The following SH3D19 variants were observed in gnomAD, a reference collection of about 807,000 sequenced individuals.
SH3D19 encodes the protein SH3 domain-containing protein 19.
SH3D19 carries 58 observed loss-of-function variants against 112.1 expected under a neutral mutation model. That is an observed-to-expected ratio of 0.52 (90% CI 0.42 to 0.64). SH3D19 has a LOEUF of 0.64. SH3D19 is among the 30% of genes least tolerant of loss of function. The pLI is 0.00. For synonymous variants in SH3D19, 391 were observed against 448.5 expected (o/e 0.87, Z 1.62); for missense variants, 1,090 against 1,263.4 (o/e 0.86, Z 2.08).
chr4:151,147,806 G>T, intron 11 of SH3D19, 116 bp downstream of exon 11: 1 of 1,331,774 alleles, frequency 7.5e-7, no homozygotes, highest in Non-Finnish European at 1.0e-6. Flanking sequence ...AAGCACTCTT[G>T]GCGTCAAGGG....
chr4:151,249,864 C>T (rs1580324775), intron 1 of SH3D19, among the ~76,000 whole-genome samples: 3 of 152,200 alleles, frequency 2.0e-5, no homozygotes, highest in East Asian at 1.9e-4. Flanking sequence ...CAATCCTCTA[C>T]GTAAAAAAGA....
Position 151,159,517 on chromosome 4 carries a change from G to A in SH3D19, c.1643-165C>T, listed in dbSNP as rs151166424. 5.9e-5 allele frequency among the ~76,000 whole-genome samples: 9 copies of A among 152,310 alleles called. No homozygotes were observed. The East Asian group carries it at 1.5e-3, about 26-fold the overall frequency. On this transcript the variant is annotated intron_variant, in intron 8 of 19. Transcript: ENST00000604030. ...CCAGCAAACTTCAGAAAATTGATGT[G>A]TTAGTCAACATCAGTTAATTTTACT...
chr4:151,282,718 T>C (rs74434272), intron 1 of SH3D19, among the ~76,000 whole-genome samples: 3,470 of 152,314 alleles, frequency 0.023, 55 homozygotes, highest in Middle Eastern at 0.065. Flanking sequence ...GAGCGTCTAG[T>C]GTTTTTTAAC....
intron 1 of SH3D19, among the ~76,000 whole-genome samples, chr4:151,283,770 C>T (rs1048610684): frequency 1.1e-4 from 17 of 152,168 alleles, no homozygotes; most frequent in African/African-American, 4.1e-4. Flanking sequence ...GCAATCCTTC[C>T]TCCTTGGGTT....
chr4:151,279,710 A>G (rs1456050642), intron 1 of SH3D19: 1 of 1,320,368 alleles, frequency 7.6e-7, no homozygotes, highest in African/African-American at 1.4e-5. Flanking sequence ...CTAGGAATAG[A>G]TGGGAGTTTG....
chr4:151,322,295 T>C (rs576755133), intron 1 of SH3D19, among the ~76,000 whole-genome samples: 8 of 151,956 alleles, frequency 5.3e-5, no homozygotes, highest in African/African-American at 1.9e-4. Context: ...TAGCCAGGCA[T>C]GGTGGTGCAC....
intron 2 of SH3D19, among the ~76,000 whole-genome samples, chr4:151,225,623 G>C (rs1270498656): frequency 3.3e-5 from 5 of 152,024 alleles, no homozygotes; most frequent in Non-Finnish European, 7.4e-5. Flanking sequence ...AGGCAGTCTG[G>C]GTTTTGTTTT....
chr4:151,135,421 A>ATTTTTTTTT (rs34291277), intron 14 of SH3D19, among the ~76,000 whole-genome samples: 8 of 87,462 alleles, frequency 9.1e-5, no homozygotes, highest in Non-Finnish European at 9.9e-5. Context: ...TCTCTATCTC[A>ATTTTTTTTT]TTTTTTTTTT....
In SH3D19 at chr4:151,214,560, G is replaced by A. The variant is rs556162486; in HGVS notation, c.152+11487C>T. On this transcript the variant is annotated intron_variant, in intron 2 of 19. Transcript: ENST00000604030. Reference sequence around the variant, plus strand: ...CGGGCAGAGGCGCCCCTCACCTCCCGGACGGGGAGGCTGGCCGGGCAGGGG... The same window carrying A: ...CGGGCAGAGGCGCCCCTCACCTCCCAGACGGGGAGGCTGGCCGGGCAGGGG... Among the ~76,000 whole-genome samples the A allele has an allele frequency of 3.4e-3, 468 of 138,778 alleles. 6 individuals are homozygous for A. Among genetic ancestry groups the A allele is most frequent in the African/African-American group, 0.012 (450 of 37,634 alleles). 91.0% of individuals were successfully genotyped at this position (138,778 alleles called of 152,430 possible). A position where few individuals can be genotyped will look rare whatever the true frequency, so the allele number is the denominator to read the frequency against.
intron 1 of SH3D19, among the ~76,000 whole-genome samples, chr4:151,286,588 TGCATTTGTGATTA>T (rs1206380212): frequency 1.3e-5 from 2 of 149,686 alleles, no homozygotes; most frequent in Non-Finnish European, 3.0e-5. Flanking sequence ...GTAAAGAGAT[TGCATTTGTGATTA>T]AAAAAAAAAA....
At chr4:151,300,861 T>C (rs1014862137) in intron 1 of SH3D19, among the ~76,000 whole-genome samples, 7 of 152,212 alleles carry the variant, frequency 4.6e-5, no homozygotes, top group African/African-American at 1.2e-4. Flanking sequence ...TGGAGACAAG[T>C]AGACAGAATC....
At chr4:151,302,577 C>T (rs934690403) in intron 1 of SH3D19, among the ~76,000 whole-genome samples, 3 of 151,476 alleles carry the variant, frequency 2.0e-5, no homozygotes, top group Admixed American at 6.6e-5. Context: ...TTGCAGACCA[C>T]GTGGACTTTG....
chr4:151,318,476 A>G (rs1730234062), intron 1 of SH3D19, among the ~76,000 whole-genome samples: 2 of 152,164 alleles, frequency 1.3e-5, no homozygotes, highest in African/African-American at 4.8e-5. Flanking sequence ...AATGCCAAAG[A>G]AAAGCAACTA....
intron 11 of SH3D19, chr4:151,144,314 T>C (rs1294677094): frequency 6.2e-7 from 1 of 1,602,712 alleles, no homozygotes. Flanking sequence ...ATAAAAGGCT[T>C]ATTCACAATC....
chr4:151,182,202 T>C (rs1350297834), intron 3 of SH3D19, among the ~76,000 whole-genome samples: 1 of 152,128 alleles, frequency 6.6e-6, no homozygotes, highest in Non-Finnish European at 1.5e-5. Context: ...CTGCCCAGAC[T>C]GGTCTCGACT....
intron 8 of SH3D19, among the ~76,000 whole-genome samples, chr4:151,163,590 T>C (rs569791689): frequency 1.9e-4 from 29 of 151,550 alleles, no homozygotes; most frequent in South Asian, 2.1e-4. Context: ...TTCTTTCTTT[T>C]TTTTTTTTGA....
chr4:151,275,904 G>A (rs1168000396), intron 1 of SH3D19, among the ~76,000 whole-genome samples: 2 of 145,592 alleles, frequency 1.4e-5, no homozygotes, highest in South Asian at 2.2e-4. Context: ...GTGCAGTGGC[G>A]CCATCTTGGC....
chr4:151,290,146 C>T (rs1775185118), intron 1 of SH3D19, among the ~76,000 whole-genome samples: 1 of 152,138 alleles, frequency 6.6e-6, no homozygotes, highest in Non-Finnish European at 1.5e-5. Flanking sequence ...GACAGGGTTC[C>T]ACTAGGTTGC....
intron 10 of SH3D19, 100 bp from the exon 11 acceptor site, chr4:151,148,286 C>CACACAG (rs1554036987): frequency 1.2e-6 from 1 of 825,668 alleles, no homozygotes; most frequent in African/African-American, 1.6e-5. Context: ...CACACACACA[C>CACACAG]ACAGAGACAC....
Sources: allele counts gnomAD v4.1 joint callset (sites outside exome capture counted in the v4.1 genomes callset), GRCh38; gene constraint gnomAD v4.1.1; transcripts MANE v1.5; gene names NCBI Gene and HGNC (gene_info 2026-07-23, HGNC 2026-07-21).